GABRG2: variants seen among roughly 807,000 people sequenced by gnomAD.
GABRG2 encodes gamma-aminobutyric acid receptor subunit gamma-2.
GABRG2 carries 16 observed loss-of-function variants against 56.4 expected under a neutral mutation model. The observed-to-expected ratio is 0.28, with a 90% confidence interval of 0.19 to 0.43. GABRG2 has a LOEUF of 0.43. Among genes scored for constraint, GABRG2 ranks in the 20% least tolerant of loss-of-function variants. GABRG2 has a pLI of 1.00. For synonymous variants in GABRG2, 208 were observed against 205.5 expected, an observed-to-expected ratio of 1.01 and a Z score of -0.10; for missense variants, 327 against 582.7, an observed-to-expected ratio of 0.56 and a Z score of 4.52.
At chr5:162,124,246 C>T (rs930632294) in intron 6 of GABRG2, among the ~76,000 whole-genome samples, 1 of 151,934 alleles carries the variant, frequency 6.6e-6, no homozygotes, top group African/African-American at 2.4e-5. Context: ...CAATTGGCAA[C>T]ACCATCTTCT....
At chr5:162,138,081 G>A (rs966825832) in intron 6 of GABRG2, among the ~76,000 whole-genome samples, 1 of 152,002 alleles carries the variant, frequency 6.6e-6, no homozygotes, top group Non-Finnish European at 1.5e-5. Flanking sequence ...TAACACAGAA[G>A]TCTGACATTT....
intron 1 of GABRG2, among the ~76,000 whole-genome samples, chr5:162,084,186 A>T (rs1321063550): frequency 6.6e-6 from 1 of 151,824 alleles, no homozygotes; most frequent in African/African-American, 2.4e-5. Flanking sequence ...TGCTGAAGGA[A>T]AATTAAAAAG....
At chr5:162,068,240 G>T in intron 1 of GABRG2, 134 bp downstream of exon 1, 1 of 707,488 alleles carries the variant, frequency 1.4e-6, no homozygotes, top group Non-Finnish European at 2.6e-6. Context: ...AGGAGAGAGC[G>T]AATATATGGG....
At chr5:162,151,612 C>T (rs757830756) in intron 8 of GABRG2, 118 bp from the exon 9 acceptor site, 8 of 854,462 alleles carry the variant, frequency 9.4e-6, no homozygotes, top group Non-Finnish European at 1.5e-5. Flanking sequence ...GTTCATTTCA[C>T]TTACTGTGTT....
At chr5:162,108,895 T>C (rs1474551827) in intron 6 of GABRG2, among the ~76,000 whole-genome samples, 1 of 152,174 alleles carries the variant, frequency 6.6e-6, no homozygotes, top group African/African-American at 2.4e-5. Flanking sequence ...ATCCAGTCTA[T>C]CATTGTTGGA....
intron 6 of GABRG2, among the ~76,000 whole-genome samples, chr5:162,120,717 G>C (rs542410647): frequency 1.2e-4 from 18 of 152,082 alleles, no homozygotes; most frequent in African/African-American, 3.9e-4. Context: ...TGACCATATA[G>C]GATCCTTGCA....
intron 1 of GABRG2, 91 bp from the exon 2 acceptor site, chr5:162,093,734 CCTG>C: frequency 8.5e-7 from 1 of 1,179,826 alleles, no homozygotes; most frequent in Non-Finnish European, 1.3e-6. Flanking sequence ...TTTCTTTTAT[CCTG>C]TTTTATTTCT....
At chr5:162,118,673 A>G (rs912428772) in intron 6 of GABRG2, among the ~76,000 whole-genome samples, 47 of 151,974 alleles carry the variant, frequency 3.1e-4, no homozygotes, top group African/African-American at 1.1e-3. Flanking sequence ...ATTTCTCCCA[A>G]CTCCACAAGG....
chr5:162,135,795 A>G (rs1764079241), intron 6 of GABRG2, among the ~76,000 whole-genome samples: 1 of 152,190 alleles, frequency 6.6e-6, no homozygotes, highest in Non-Finnish European at 1.5e-5. Context: ...AAGAGGAAGC[A>G]GGGTGAGGAA....
chr5:162,128,548 C>G (rs1484725075), intron 6 of GABRG2, among the ~76,000 whole-genome samples: 1 of 151,950 alleles, frequency 6.6e-6, no homozygotes, highest in Non-Finnish European at 1.5e-5. Flanking sequence ...TTGCTCCAAA[C>G]TCAGCTTTCA....
intron 1 of GABRG2, among the ~76,000 whole-genome samples, chr5:162,092,007 A>G (rs1245218824): frequency 1.3e-5 from 2 of 152,240 alleles, no homozygotes; most frequent in East Asian, 3.9e-4. Context: ...CGAACCTACC[A>G]TATCCTTTTC....
chr5:162,129,463 G>A (rs150725611), intron 6 of GABRG2, among the ~76,000 whole-genome samples: 18 of 151,502 alleles, frequency 1.2e-4, no homozygotes, highest in Non-Finnish European at 2.2e-4. Context: ...TATGAGTTAC[G>A]TGAAAACATT....
chr5:162,109,412 A>ATT (rs1246295668), intron 6 of GABRG2, among the ~76,000 whole-genome samples: 12 of 120,322 alleles, frequency 1.0e-4, no homozygotes, highest in African/African-American at 2.8e-4. Flanking sequence ...ATATATATAT[A>ATT]TATATATATA....
chr5:162,154,843 A>G lies in GABRG2; in HGVS notation c.*1475A>G, dbSNP rs796379960. The G allele has an allele frequency of 5.3e-5, 8 of 152,230 alleles. No homozygotes were observed. The highest frequency in any genetic ancestry group is 1.7e-4 in the African/African-American group (7 of 41,566). The allele number at this position is 152,230 out of a possible 1,614,324, so 9.4% of individuals were successfully genotyped here. The stretch of plus-strand genomic sequence containing the variant: ...TTTAAAAACTGAAAAAAAAAAATGA[A>G]TGACTCACATAGAGGTTGAGCCAAT... On this transcript the variant is annotated 3_prime_UTR_variant, in exon 10 of 10. Transcript: ENST00000639213.
chr5:162,150,399 T>C (rs1765284129), intron 8 of GABRG2: 1 of 152,232 alleles, frequency 6.6e-6, no homozygotes, highest in Non-Finnish European at 1.5e-5. Context: ...GGAGGATGAC[T>C]TCTACTTGCA....
At chr5:162,133,019 T>G (rs994370493) in intron 6 of GABRG2, among the ~76,000 whole-genome samples, 6 of 152,016 alleles carry the variant, frequency 3.9e-5, no homozygotes, top group African/African-American at 1.2e-4. Context: ...AATGTATTAC[T>G]GGCTCTAACA....
intron 1 of GABRG2, among the ~76,000 whole-genome samples, chr5:162,070,119 T>C (rs1443371007): frequency 6.6e-6 from 1 of 152,182 alleles, no homozygotes; most frequent in African/African-American, 2.4e-5. Context: ...ACCTTTTCCA[T>C]TTCAATGTCT....
intron 1 of GABRG2, among the ~76,000 whole-genome samples, chr5:162,091,981 C>T (rs1252317801): frequency 6.6e-6 from 1 of 152,068 alleles, no homozygotes; most frequent in African/African-American, 2.4e-5. Context: ...GTAATATATT[C>T]TATTATGGCA....
chr5:162,095,649 A>G (rs1760944972), intron 3 of GABRG2, 87 bp downstream of exon 3: 2 of 935,882 alleles, frequency 2.1e-6, no homozygotes, highest in Non-Finnish European at 3.4e-6. Flanking sequence ...AAGACATGCC[A>G]GCAAAAAATT....
Sources: allele counts gnomAD v4.1 joint callset (sites outside exome capture counted in the v4.1 genomes callset), GRCh38; gene constraint gnomAD v4.1.1; transcripts MANE v1.5; gene names NCBI Gene and HGNC (gene_info 2026-07-23, HGNC 2026-07-21).